Variants in TM9SF3 observed in about 807,000 individuals in gnomAD.
The protein encoded by TM9SF3 is transmembrane 9 superfamily member 3.
In TM9SF3, 14 loss-of-function variants were observed where a neutral mutation model predicts 78.6. The ratio of observed to expected loss-of-function variants is 0.18; its 90% CI spans 0.12 to 0.28. TM9SF3 has a LOEUF of 0.28. TM9SF3 is among the 10% of genes least tolerant of loss of function. The pLI is 1.00. For missense variants in TM9SF3, 496 were observed against 721.9 expected, an observed-to-expected ratio of 0.69 and a Z score of 3.59; for synonymous variants, 231 against 241.7, an observed-to-expected ratio of 0.96 and a Z score of 0.41.
chr10:96,561,915 C>T (rs1284049236), intron 4 of TM9SF3, 63 bp downstream of exon 4: 3 of 1,397,364 alleles, frequency 2.1e-6, no homozygotes, highest in Non-Finnish European at 2.9e-6. Context: ...AAGTTCAAAG[C>T]CACAAATTGT....
chr10:96,576,166 C>T (rs1337044409), intron 2 of TM9SF3, among the ~76,000 whole-genome samples: 1 of 152,164 alleles, frequency 6.6e-6, no homozygotes, highest in East Asian at 1.9e-4. Context: ...CCAGAAATTA[C>T]TTTGTTAAAT....
rs935784501 is a variant in TM9SF3, at chr10:96,566,092, C to CA, written c.299-667dup. ...TTCTAACTTAATAAACCTAGTATTTCAAAAATGTACCTGTTTCTAATAAAA... is the reference window on the plus strand; with the variant it reads ...TTCTAACTTAATAAACCTAGTATTTCAAAAAATGTACCTGTTTCTAATAAAA... On this transcript the variant is annotated intron_variant, in intron 2 of 14. Coordinates refer to ENST00000371142, the MANE Select transcript of TM9SF3 (RefSeq NM_020123.4). 5.3e-4 allele frequency among the ~76,000 whole-genome samples: 81 copies of CA among 152,152 alleles called. 1 individual carries two copies. Among genetic ancestry groups the CA allele is most frequent in the African/African-American group, 1.9e-3 (78 of 41,528 alleles).
At chr10:96,528,622 C>T (rs1286262313) in intron 11 of TM9SF3, among the ~76,000 whole-genome samples, 1 of 151,914 alleles carries the variant, frequency 6.6e-6, no homozygotes, top group Non-Finnish European at 1.5e-5. Context: ...GAAAAGCAGG[C>T]CTGAAGAAGA....
At chr10:96,530,462 C>CA in intron 11 of TM9SF3, 78 bp downstream of exon 11, 1 of 1,201,970 alleles carries the variant, frequency 8.3e-7, no homozygotes, top group Non-Finnish European at 1.2e-6. Flanking sequence ...CAACTGATAA[C>CA]TTTACATGTT....
chr10:96,558,598 A>G (rs539959119), intron 5 of TM9SF3, among the ~76,000 whole-genome samples: 13 of 151,658 alleles, frequency 8.6e-5, no homozygotes, highest in Non-Finnish European at 1.3e-4. Context: ...GTGAGCCAAG[A>G]TCATGCCACT....
chr10:96,549,210 G>T (rs1848138425), intron 7 of TM9SF3, among the ~76,000 whole-genome samples: 2 of 152,094 alleles, frequency 1.3e-5, no homozygotes, highest in African/African-American at 4.8e-5. Flanking sequence ...CTTTTCCTCT[G>T]ATTGCTATAG....
At chr10:96,555,892 A>T (rs909946034) in intron 5 of TM9SF3, among the ~76,000 whole-genome samples, 1 of 152,190 alleles carries the variant, frequency 6.6e-6, no homozygotes, top group African/African-American at 2.4e-5. Context: ...AATGACACAT[A>T]CCATCTTTTA....
intron 9 of TM9SF3, 98 bp from the exon 10 acceptor site, chr10:96,533,288 G>C: frequency 7.0e-7 from 1 of 1,421,660 alleles, no homozygotes; most frequent in East Asian, 2.5e-5. Flanking sequence ...GACCACAAAA[G>C]AAAATGTTTA....
At chr10:96,523,609 T>G (rs1246274607) in intron 14 of TM9SF3, among the ~76,000 whole-genome samples, 1 of 151,930 alleles carries the variant, frequency 6.6e-6, no homozygotes, top group Non-Finnish European at 1.5e-5. Context: ...GCTTTCCTGA[T>G]AAAAGCTTAC....
chr10:96,539,005 GTTAT>G (rs1200509054), intron 9 of TM9SF3, among the ~76,000 whole-genome samples: 1 of 152,176 alleles, frequency 6.6e-6, no homozygotes, highest in African/African-American at 2.4e-5. Flanking sequence ...TCCACTCCTA[GTTAT>G]TTATCCAAGA....
chr10:96,561,340 G>A (rs139596803), intron 4 of TM9SF3, among the ~76,000 whole-genome samples: 407 of 152,164 alleles, frequency 2.7e-3, no homozygotes, highest in African/African-American at 9.4e-3. Context: ...GTTATATAAG[G>A]ATTATTTGCA....
chr10:96,577,413 A>G (rs1192790125), intron 1 of TM9SF3: 1 of 152,244 alleles, frequency 6.6e-6, no homozygotes, highest in Non-Finnish European at 1.5e-5. Flanking sequence ...AGCCTGAAAG[A>G]CATGCACTAT....
intron 3 of TM9SF3, 82 bp downstream of exon 3, chr10:96,565,222 C>A (rs1589459356): frequency 4.7e-6 from 6 of 1,265,146 alleles, no homozygotes; most frequent in African/African-American, 1.6e-5. Flanking sequence ...TGATCCAGTA[C>A]ACAATCACCT....
intron 2 of TM9SF3, among the ~76,000 whole-genome samples, chr10:96,573,718 A>C (rs1564940010): frequency 6.6e-6 from 1 of 152,228 alleles, no homozygotes; most frequent in East Asian, 1.9e-4. Context: ...TACTGGTACC[A>C]AAACAGATAT....
At chr10:96,579,688 G>A (rs1848538654) in intron 1 of TM9SF3, among the ~76,000 whole-genome samples, 1 of 151,926 alleles carries the variant, frequency 6.6e-6, no homozygotes, top group Admixed American at 6.6e-5. Flanking sequence ...TACACATACT[G>A]AGAGTTTAGG....
At chr10:96,571,705 A>C (rs1848438248) in intron 2 of TM9SF3, among the ~76,000 whole-genome samples, 2 of 152,250 alleles carry the variant, frequency 1.3e-5, no homozygotes, top group Admixed American at 1.3e-4. Flanking sequence ...AAAGAAAAAA[A>C]TACTTGTAAA....
At chr10:96,527,662 T>C (rs2134129461) in intron 12 of TM9SF3, 166 bp from the exon 13 acceptor site, 1 of 580,724 alleles carries the variant, frequency 1.7e-6, no homozygotes, top group Non-Finnish European at 2.9e-6. Context: ...AAGGAAAACA[T>C]CTAAGAATTA....
At chr10:96,574,425 C>T (rs2861555) in intron 2 of TM9SF3, among the ~76,000 whole-genome samples, 88,172 of 151,990 alleles carry the variant, frequency 0.58, 27,248 homozygotes, top group East Asian at 0.83. Context: ...CAGGAAACAA[C>T]AGATGCTGGA....
intron 4 of TM9SF3, among the ~76,000 whole-genome samples, chr10:96,559,951 AGGG>A: frequency 6.6e-6 from 1 of 152,218 alleles, no homozygotes; most frequent in Non-Finnish European, 1.5e-5. Flanking sequence ...CTTTCCTCAG[AGGG>A]GTGATTTCAG....
Sources: allele counts gnomAD v4.1 joint callset (sites outside exome capture counted in the v4.1 genomes callset), GRCh38; gene constraint gnomAD v4.1.1; transcripts MANE v1.5; gene names NCBI Gene and HGNC (gene_info 2026-07-23, HGNC 2026-07-21).